Variants in SEL1L3 observed in about 807,000 individuals in gnomAD.
The protein encoded by SEL1L3 is protein sel-1 homolog 3.
SEL1L3 carries 76 observed loss-of-function variants against 142.8 expected under a neutral mutation model. That is an observed-to-expected ratio of 0.53 (90% CI 0.44 to 0.64). The LOEUF (loss-of-function observed/expected upper bound fraction) is 0.64. Among genes scored for constraint, SEL1L3 ranks in the 30% least tolerant of loss-of-function variants. The pLI is 0.00. For missense variants in SEL1L3, 1,262 were observed against 1,381.7 expected (o/e 0.91, Z 1.37); for synonymous variants, 504 against 519.6 (o/e 0.97, Z 0.41).
intron 1 of SEL1L3, among the ~76,000 whole-genome samples, chr4:25,851,887 C>CAAAAAA (rs35600659): frequency 1.7e-5 from 1 of 59,574 alleles, no homozygotes; most frequent in African/African-American, 5.4e-5. Flanking sequence ...GACTCTGTCT[C>CAAAAAA]AAAAAAAAAA....
chr4:25,861,694 T>C (rs2109333032), intron 1 of SEL1L3: 1 of 152,162 alleles, frequency 6.6e-6, no homozygotes, highest in African/African-American at 2.4e-5. Flanking sequence ...ATTCAGCATT[T>C]TCCATTTCAT....
At position 25,757,002 on chromosome 4, in the gene SEL1L3, C is replaced by T. The variant is rs967613133; in HGVS notation, c.3259+532G>A. 1.0e-4 allele frequency: 121 copies of T among 1,163,914 alleles called. 1 individual carries two copies. The South Asian group carries it at 2.0e-3, about 19-fold the overall frequency. 72.1% of individuals were successfully genotyped at this position (1,163,914 alleles called of 1,614,324 possible). A position where few individuals can be genotyped will look rare whatever the true frequency, so the allele number is the denominator to read the frequency against. On this transcript the variant is annotated intron_variant, in intron 23 of 23. Transcript: ENST00000399878. ...TTATTTTGAGGCTGGGTGCAGTGGCCCACGCCTGTAATCCCAGCACTTCAG... is the reference window on the plus strand; with the variant it reads ...TTATTTTGAGGCTGGGTGCAGTGGCTCACGCCTGTAATCCCAGCACTTCAG...
intron 1 of SEL1L3, among the ~76,000 whole-genome samples, chr4:25,861,271 C>A (rs1425529791): frequency 3.3e-5 from 5 of 152,084 alleles, no homozygotes; most frequent in Non-Finnish European, 5.9e-5. Flanking sequence ...ATAATAATAT[C>A]TCTTGGGCAA....
At chr4:25,830,856 G>A (rs534934067) in intron 5 of SEL1L3, among the ~76,000 whole-genome samples, 1 of 152,158 alleles carries the variant, frequency 6.6e-6, no homozygotes, top group East Asian at 1.9e-4. Flanking sequence ...ACAACATGTT[G>A]GTTCAGAAAA....
chr4:25,734,803 A>G, the SEL1L3 span, among the ~76,000 whole-genome samples: 1 of 152,114 alleles, frequency 6.6e-6, no homozygotes, highest in Admixed American at 6.6e-5. Flanking sequence ...TCCTGACCTC[A>G]GGTGATCCGC....
chr4:25,766,294 G>C (rs1218947202), intron 19 of SEL1L3, among the ~76,000 whole-genome samples: 1 of 152,032 alleles, frequency 6.6e-6, no homozygotes, highest in African/African-American at 2.4e-5. Flanking sequence ...ACAGAAATTA[G>C]CCAGGAATGG....
At chr4:25,782,741 A>G (rs1412559740) in intron 14 of SEL1L3, among the ~76,000 whole-genome samples, 1 of 152,126 alleles carries the variant, frequency 6.6e-6, no homozygotes, top group Non-Finnish European at 1.5e-5. Context: ...GCCCTGCCGC[A>G]TCAATAGTGC....
chr4:25,826,460 T>C lies in SEL1L3; in HGVS notation c.1157+3638A>G, dbSNP rs565261889. 3.9e-5 allele frequency among the ~76,000 whole-genome samples: 6 copies of C among 152,246 alleles called. No individual in the cohort carries two copies. The East Asian group carries it at 5.8e-4, about 15-fold the overall frequency. ...ATATCTGATGTTTAGTTCACTGACT[T>C]GGCCCACTCTAAAAGTGGGGTTCCT... On this transcript the variant is annotated intron_variant, in intron 6 of 23. Coordinates refer to ENST00000399878, the MANE Select transcript of SEL1L3 (RefSeq NM_015187.5).
At chr4:25,716,509 T>TAGA in the SEL1L3 span, among the ~76,000 whole-genome samples, 2 of 152,194 alleles carry the variant, frequency 1.3e-5, no homozygotes, top group Non-Finnish European at 2.9e-5. Context: ...GTACATAATC[T>TAGA]AGAAAACTTC....
Position 25,788,135 on chromosome 4 carries a change from G to T in SEL1L3, c.2217+89C>A. The stretch of plus-strand genomic sequence containing the variant: ...CATATACTAAATTTCTTCAGTTATC[G>T]ACTCCCTGTTTGCCAGCCCGCCCAC... On this transcript the variant is annotated intron_variant, in intron 13 of 23. Transcript: ENST00000399878. This position sits in a 1 kb window ranked among gnomAD's most constrained non-coding sequence, Gnocchi z 5.3. 4 of 1,300,092 alleles carry T rather than the reference G, an allele frequency of 3.1e-6. No individual in the cohort carries two copies. The highest frequency in any genetic ancestry group is 4.3e-6 in the Non-Finnish European group (4 of 924,880). The allele number at this position is 1,300,092 out of a possible 1,614,324, so 80.5% of individuals were successfully genotyped here. A position where few individuals can be genotyped will look rare whatever the true frequency, so the allele number is the denominator to read the frequency against.
intron 17 of SEL1L3, among the ~76,000 whole-genome samples, chr4:25,770,830 C>A (rs1719124288): frequency 1.3e-5 from 2 of 152,040 alleles, no homozygotes; most frequent in Admixed American, 1.3e-4. Flanking sequence ...AATCAATCAC[C>A]CAATGCGTGT....
intron 3 of SEL1L3, among the ~76,000 whole-genome samples, chr4:25,834,686 C>T (rs545202327): frequency 6.6e-6 from 1 of 152,268 alleles, no homozygotes; most frequent in South Asian, 2.1e-4. Context: ...CAGCCAGCAG[C>T]ATGGGAAGAA....
intron 1 of SEL1L3, among the ~76,000 whole-genome samples, chr4:25,850,059 C>T (rs1031445605): frequency 2.0e-5 from 3 of 152,182 alleles, no homozygotes; most frequent in East Asian, 1.9e-4. Context: ...CAGCATAAGC[C>T]GGGCAAGAGG....
rs146716375 is a variant in SEL1L3 at position 25,855,044 on chromosome 4, T to C, written c.163-7180A>G. 5.9e-5 allele frequency among the ~76,000 whole-genome samples: 9 copies of C among 152,360 alleles called. No homozygotes were observed. In the East Asian group the frequency reaches 1.7e-3, roughly 29 times the overall value. On this transcript the variant is annotated intron_variant, in intron 1 of 23. Coordinates refer to ENST00000399878, the MANE Select transcript of SEL1L3 (RefSeq NM_015187.5). The stretch of plus-strand genomic sequence containing the variant: ...TCAAGAAGGTGCTTTGAGGCACCCA[T>C]GCAATGAAGGAAGCTGGCATCCGGT...
chr4:25,819,219 C>T (rs146941087), intron 8 of SEL1L3, among the ~76,000 whole-genome samples: 2 of 152,330 alleles, frequency 1.3e-5, no homozygotes, highest in Non-Finnish European at 2.9e-5. Context: ...GATAAACACC[C>T]TGTGTGAGTA....
chr4:25,805,198 A>C (rs1184641698), intron 9 of SEL1L3, among the ~76,000 whole-genome samples: 2 of 152,198 alleles, frequency 1.3e-5, no homozygotes, highest in East Asian at 3.8e-4. Context: ...CTTTCTAGAC[A>C]TCTTTTGTCC....
intron 6 of SEL1L3, among the ~76,000 whole-genome samples, chr4:25,823,544 A>G (rs1714903630): frequency 6.6e-6 from 1 of 152,130 alleles, no homozygotes; most frequent in Admixed American, 6.6e-5. Flanking sequence ...TAAATAAATA[A>G]AATAAAAATA....
chr4:25,838,313 TG>T (rs1490019141), intron 2 of SEL1L3, among the ~76,000 whole-genome samples: 1 of 152,290 alleles, frequency 6.6e-6, no homozygotes, highest in East Asian at 1.9e-4. Context: ...GGAAAACAGT[TG>T]ATGTTAGGAA....
intron 2 of SEL1L3, among the ~76,000 whole-genome samples, chr4:25,837,405 C>T (rs1483598795): frequency 6.7e-6 from 1 of 149,230 alleles, no homozygotes; most frequent in Non-Finnish European, 1.5e-5. Flanking sequence ...AAAAAAGCTT[C>T]ATAAAGGAGG....
Sources: allele counts gnomAD v4.1 joint callset (sites outside exome capture counted in the v4.1 genomes callset), GRCh38; gene constraint gnomAD v4.1.1; non-coding constraint Gnocchi (gnomAD v3.1); transcripts MANE v1.5; gene names NCBI Gene and HGNC (gene_info 2026-07-23, HGNC 2026-07-21).